Variants in CD44 observed in about 807,000 individuals in gnomAD.
CD44 encodes the protein CD44 antigen.
Under a neutral mutation model 88.8 loss-of-function variants are expected in CD44, and 49 were observed. That is an observed-to-expected ratio of 0.55 (90% CI 0.44 to 0.70). CD44 has a LOEUF of 0.70. Among genes scored for constraint, CD44 ranks in the 30% least tolerant of loss-of-function variants. The probability of loss-of-function intolerance (pLI) is 0.00; values close to 1 mark genes in which losing one functional copy is unlikely to be tolerated. For missense variants in CD44, 883 were observed against 913.8 expected (o/e 0.97, Z 0.43); for synonymous variants, 325 against 312.3 (o/e 1.04, Z -0.43).
chr11:35,221,547 C>T (rs997492170), intron 16 of CD44, 107 bp from the exon 17 acceptor site: 75 of 920,436 alleles, frequency 8.1e-5, no homozygotes, highest in South Asian at 5.3e-4. Context: ...CCCCCTGCAG[C>T]GCTGACTGTG....
chr11:35,214,284 CTTA>C (rs1450886225), intron 14 of CD44, among the ~76,000 whole-genome samples: 1 of 152,120 alleles, frequency 6.6e-6, no homozygotes, highest in African/African-American at 2.4e-5. Context: ...TCCTTTTTTA[CTTA>C]TTTTCAATTT....
Position 35,214,868 on chromosome 11 carries a change from C to A in CD44, c.1827C>A (p.Phe609Leu). 6.4e-7 allele frequency: 1 copy of A among 1,555,998 alleles called. No individual in the cohort carries two copies. Among genetic ancestry groups the A allele is most frequent in the East Asian group, 2.4e-5 (1 of 41,260 alleles). ...TCATTACAGGAGACCAAGACACATT[C>A]CACCCCAGTGGGGGGTCCCATACCA... ...NRSLSGDQDTFHPSGGSHTTH... is the reference protein window; with the variant it reads ...NRSLSGDQDTLHPSGGSHTTH... The change falls in exon 15 of 18, where the codon TTC (phenylalanine) becomes TTA (leucine). Residue 609 changes from phenylalanine to leucine, a missense_variant. Physicochemically the swap from Phe to Leu is conservative, Grantham distance 22 (BLOSUM62 0). This residue lies in a region of CD44 where 631 missense variants were observed against 590.9 expected (regional missense o/e 1.07). Coordinates refer to ENST00000428726, the MANE Select transcript of CD44 (RefSeq NM_000610.4).
chr11:35,172,908 C>A (rs1397994753), intron 1 of CD44, among the ~76,000 whole-genome samples: 1 of 151,814 alleles, frequency 6.6e-6, no homozygotes, highest in African/African-American at 2.4e-5. Flanking sequence ...TTTCATGGAA[C>A]TTTTGGAAGA....
chr11:35,152,864 G>A (rs1229792060), intron 1 of CD44, among the ~76,000 whole-genome samples: 1 of 152,128 alleles, frequency 6.6e-6, no homozygotes, highest in African/African-American at 2.4e-5. Flanking sequence ...CTCAATAAAG[G>A]GCTAGAGGTG....
At position 35,229,757 on chromosome 11, in the gene CD44, A is replaced by C; in HGVS notation, c.*424A>C. The C allele has an allele frequency of 5.5e-6, 1 of 183,160 alleles. No individual in the cohort carries two copies. The highest frequency in any genetic ancestry group is 1.2e-4 in the South Asian group (1 of 8,090). 11.3% of individuals were successfully genotyped at this position (183,160 alleles called of 1,614,324 possible). A position where few individuals can be genotyped will look rare whatever the true frequency, so the allele number is the denominator to read the frequency against. On this transcript the variant is annotated 3_prime_UTR_variant, in exon 18 of 18. Coordinates refer to ENST00000428726, the MANE Select transcript of CD44 (RefSeq NM_000610.4). Reference sequence around the variant, plus strand: ...GTCCATTTTGCCCTTCCATAGCCTAATCCCTGGGCATTGCTTTCCACTGAG... The same window carrying C: ...GTCCATTTTGCCCTTCCATAGCCTACTCCCTGGGCATTGCTTTCCACTGAG...
At chr11:35,194,304 T>C (rs1226229079) in intron 5 of CD44, among the ~76,000 whole-genome samples, 1 of 152,206 alleles carries the variant, frequency 6.6e-6, no homozygotes, top group Non-Finnish European at 1.5e-5. Flanking sequence ...AAACCAGGCC[T>C]AGATTTTCTT....
At chr11:35,166,856 T>C (rs1372086906) in intron 1 of CD44, among the ~76,000 whole-genome samples, 2 of 152,246 alleles carry the variant, frequency 1.3e-5, no homozygotes, top group African/African-American at 4.8e-5. Flanking sequence ...ACTGAGTCAC[T>C]CAAGACTCAT....
rs1356811095 is a variant in CD44 at position 35,229,640 on chromosome 11, A to G, written c.*307A>G. The G allele has an allele frequency of 6.1e-6, 2 of 330,254 alleles. No individual in the cohort carries two copies. The highest frequency in any genetic ancestry group is 1.3e-4 in the East Asian group (2 of 15,802). 20.5% of individuals were successfully genotyped at this position (330,254 alleles called of 1,614,324 possible). ...GGATGGCTTCTAACAAAAACTACAC[A>G]TATGTATTCCTGATCGCCAACCTTT... On this transcript the variant is annotated 3_prime_UTR_variant, in exon 18 of 18. Coordinates refer to ENST00000428726, the MANE Select transcript of CD44 (RefSeq NM_000610.4).
chr11:35,206,671 G>GT (rs74545548), intron 11 of CD44, among the ~76,000 whole-genome samples: 10 of 145,208 alleles, frequency 6.9e-5, no homozygotes, highest in East Asian at 4.7e-4. Context: ...GGGGTTGGTG[G>GT]GGGGGGCAGT....
At chr11:35,172,531 T>G (rs868047641) in intron 1 of CD44, among the ~76,000 whole-genome samples, 11 of 152,310 alleles carry the variant, frequency 7.2e-5, no homozygotes, top group Middle Eastern at 6.8e-3. Context: ...AATTTTTTTC[T>G]CCCAAATTGA....
chr11:35,184,106 C>A (rs1945420135), intron 3 of CD44, among the ~76,000 whole-genome samples: 1 of 152,098 alleles, frequency 6.6e-6, no homozygotes, highest in South Asian at 2.1e-4. Flanking sequence ...GCTTTCCAAG[C>A]AGTACAGAGC....
intron 9 of CD44, among the ~76,000 whole-genome samples, chr11:35,202,355 T>C (rs1947396808): frequency 6.6e-6 from 1 of 152,198 alleles, no homozygotes; most frequent in African/African-American, 2.4e-5. Context: ...AAGGCTTTGA[T>C]GCTCTTACTG....
At chr11:35,217,362 A>G (rs1565152349) in intron 15 of CD44, among the ~76,000 whole-genome samples, 1 of 151,770 alleles carries the variant, frequency 6.6e-6, no homozygotes, top group Non-Finnish European at 1.5e-5. Flanking sequence ...AAAAGAAAAA[A>G]AAAAAAAAGA....
chr11:35,140,297 G>A (rs911186279), intron 1 of CD44, among the ~76,000 whole-genome samples: 4 of 152,214 alleles, frequency 2.6e-5, no homozygotes, highest in African/African-American at 7.2e-5. Flanking sequence ...TCAACTCCAA[G>A]CATTCTCTTT....
intron 1 of CD44, among the ~76,000 whole-genome samples, chr11:35,158,007 A>T (rs955720882): frequency 6.6e-6 from 1 of 152,146 alleles, no homozygotes; most frequent in Non-Finnish European, 1.5e-5. Context: ...TTCTGATGAT[A>T]TAGGAAAGGA....
intron 1 of CD44, among the ~76,000 whole-genome samples, chr11:35,150,900 A>G (rs1463938821): frequency 6.6e-6 from 1 of 152,210 alleles, no homozygotes; most frequent in Non-Finnish European, 1.5e-5. Context: ...TTTCCTTAAA[A>G]TGTATTGGCA....
intron 1 of CD44, among the ~76,000 whole-genome samples, chr11:35,147,961 C>G (rs752677465): frequency 2.6e-5 from 4 of 152,036 alleles, no homozygotes; most frequent in Admixed American, 6.5e-5. Flanking sequence ...CATGGTGGTG[C>G]ATGCCTGTAA....
At chr11:35,185,186 G>A (rs964052681) in intron 3 of CD44, among the ~76,000 whole-genome samples, 5 of 152,146 alleles carry the variant, frequency 3.3e-5, no homozygotes, top group African/African-American at 4.8e-5. Flanking sequence ...TGACAGGTGT[G>A]GGGGAGTGAT....
intron 1 of CD44, among the ~76,000 whole-genome samples, chr11:35,142,397 C>G (rs1417492812): frequency 6.6e-6 from 1 of 151,998 alleles, no homozygotes; most frequent in Non-Finnish European, 1.5e-5. Context: ...GACTTGGAAC[C>G]AACCCAAATG....
Sources: allele counts gnomAD v4.1 joint callset (sites outside exome capture counted in the v4.1 genomes callset), GRCh38; gene constraint gnomAD v4.1.1; regional missense constraint gnomAD v4.1.1; transcripts MANE v1.5; gene names NCBI Gene and HGNC (gene_info 2026-07-23, HGNC 2026-07-21).